Variants in DLG2 observed in about 807,000 individuals in gnomAD.
DLG2 encodes the protein disks large homolog 2.
DLG2 carries 45 observed loss-of-function variants against 132.5 expected under a neutral mutation model. The ratio of observed to expected loss-of-function variants is 0.34; its 90% CI spans 0.27 to 0.44. The LOEUF (loss-of-function observed/expected upper bound fraction) is 0.44. Among genes scored for constraint, DLG2 ranks in the 20% least tolerant of loss-of-function variants. The pLI, the probability that DLG2 is intolerant of heterozygous loss-of-function variation, is 1.00. For synonymous variants in DLG2, 424 were observed against 419.6 expected (o/e 1.01, Z -0.13); for missense variants, 1,045 against 1,196.9 (o/e 0.87, Z 1.87).
intron 18 of DLG2, among the ~76,000 whole-genome samples, chr11:83,743,489 T>C (rs186732162): frequency 1.6e-4 from 23 of 144,466 alleles, no homozygotes; most frequent in African/African-American, 6.2e-4. Context: ...TGGAGTACAG[T>C]GATGTAAACA....
At chr11:83,851,035 G>A (rs2059656417) in intron 16 of DLG2, among the ~76,000 whole-genome samples, 1 of 152,094 alleles carries the variant, frequency 6.6e-6, no homozygotes, top group Middle Eastern at 3.2e-3. Context: ...AAATTAGCCT[G>A]GCGTGGTGGC....
chr11:84,847,453 G>A (rs911697664), intron 6 of DLG2, among the ~76,000 whole-genome samples: 1 of 152,136 alleles, frequency 6.6e-6, no homozygotes, highest in South Asian at 2.1e-4. Context: ...AGTTTTATGG[G>A]TTTTTTAGTG....
intron 7 of DLG2, among the ~76,000 whole-genome samples, chr11:84,368,392 C>A (rs1202035179): frequency 6.6e-6 from 1 of 151,912 alleles, no homozygotes; most frequent in Non-Finnish European, 1.5e-5. Context: ...TTCTTCATGG[C>A]TTTCTATATA....
intron 6 of DLG2, among the ~76,000 whole-genome samples, chr11:84,931,727 C>T (rs1419778309): frequency 2.6e-5 from 4 of 152,204 alleles, no homozygotes; most frequent in Admixed American, 1.3e-4. Flanking sequence ...CTACTTTACT[C>T]TCCTAGCAAT....
chr11:84,614,334 C>T (rs2099600428), intron 6 of DLG2, among the ~76,000 whole-genome samples: 1 of 152,134 alleles, frequency 6.6e-6, no homozygotes, highest in African/African-American at 2.4e-5. Context: ...TGAGCTGACA[C>T]TGCAGCATAA....
intron 18 of DLG2, among the ~76,000 whole-genome samples, chr11:83,738,902 C>T (rs1206475212): frequency 6.6e-6 from 1 of 152,172 alleles, no homozygotes; most frequent in African/African-American, 2.4e-5. Context: ...ACAAATCCTG[C>T]TCAACATCTT....
intron 17 of DLG2, among the ~76,000 whole-genome samples, chr11:83,798,094 A>T (rs1003515255): frequency 6.6e-6 from 1 of 152,200 alleles, no homozygotes; most frequent in African/African-American, 2.4e-5. Flanking sequence ...AAGGCAGAGC[A>T]AATGCTCATG....
At chr11:85,505,859 G>T (rs894531035) in intron 3 of DLG2, among the ~76,000 whole-genome samples, 2 of 152,008 alleles carry the variant, frequency 1.3e-5, no homozygotes, top group African/African-American at 2.4e-5. Context: ...TGGACTTTTT[G>T]TGGTTGGTAG....
chr11:83,801,956 T>C (rs1594646009), intron 17 of DLG2, among the ~76,000 whole-genome samples: 1 of 152,342 alleles, frequency 6.6e-6, no homozygotes, highest in South Asian at 2.1e-4. Flanking sequence ...GCACTTGTTA[T>C]AAGCCAGGTA....
intron 3 of DLG2, among the ~76,000 whole-genome samples, chr11:85,489,914 T>C (rs12294176): frequency 6.6e-6 from 1 of 152,224 alleles, no homozygotes; most frequent in African/African-American, 2.4e-5. Context: ...ATAAAAATAT[T>C]TTTTTCTTGT....
chr11:84,891,602 C>T (rs1272634577), intron 6 of DLG2, among the ~76,000 whole-genome samples: 2 of 151,962 alleles, frequency 1.3e-5, no homozygotes, highest in Non-Finnish European at 2.9e-5. Context: ...AAATAACAAA[C>T]CTTAAAAATA....
intron 6 of DLG2, among the ~76,000 whole-genome samples, chr11:84,750,032 AC>A: frequency 6.6e-6 from 1 of 152,322 alleles, no homozygotes; most frequent in South Asian, 2.1e-4. Context: ...ACATTTCTAT[AC>A]AATTTGGCTC....
chr11:85,502,767 T>G (rs948008515), intron 3 of DLG2, among the ~76,000 whole-genome samples: 4 of 152,092 alleles, frequency 2.6e-5, no homozygotes, highest in African/African-American at 9.7e-5. Context: ...CATATACCTA[T>G]GTAACAAACC....
intron 7 of DLG2, among the ~76,000 whole-genome samples, chr11:84,418,356 C>G (rs1249956974): frequency 6.6e-6 from 1 of 152,106 alleles, no homozygotes; most frequent in East Asian, 1.9e-4. Context: ...AAAAGAAGAG[C>G]AACAATACTA....
chr11:85,089,767 A>C (rs2068471303), intron 6 of DLG2, among the ~76,000 whole-genome samples: 1 of 152,206 alleles, frequency 6.6e-6, no homozygotes. Flanking sequence ...GGGCAAGGAC[A>C]TGAACAGCTG....
intron 3 of DLG2, among the ~76,000 whole-genome samples, chr11:85,380,207 T>C (rs1325497834): frequency 6.6e-6 from 1 of 152,202 alleles, no homozygotes; most frequent in Non-Finnish European, 1.5e-5. Flanking sequence ...GTTTACAATA[T>C]ATATAGTGTT....
chr11:85,549,264 G>A (rs1041167934), intron 3 of DLG2, among the ~76,000 whole-genome samples: 17 of 152,116 alleles, frequency 1.1e-4, no homozygotes, highest in African/African-American at 4.1e-4. Flanking sequence ...CTTCCCGGAT[G>A]AGGTGACGCC....
chr11:84,202,871 A>C (rs890855337), intron 8 of DLG2, among the ~76,000 whole-genome samples: 4 of 152,206 alleles, frequency 2.6e-5, no homozygotes. Context: ...AAAGCTCAAC[A>C]TCGCCAATTA....
At chr11:83,699,793 A>G (rs1015882653) in intron 18 of DLG2, among the ~76,000 whole-genome samples, 2 of 151,266 alleles carry the variant, frequency 1.3e-5, no homozygotes, top group African/African-American at 2.4e-5. Context: ...CCTTTGGTAT[A>G]TAAGAATGGG....
Sources: gnomAD v4.1 joint callset for allele counts (sites outside exome capture counted in the v4.1 genomes callset) on GRCh38, gnomAD v4.1.1 for gene constraint, MANE v1.5 for transcripts, NCBI Gene and HGNC (gene_info 2026-07-23, HGNC 2026-07-21) for gene names.